The following FRMD5 variants were observed in gnomAD, a reference collection of about 807,000 sequenced individuals.
FRMD5 encodes the protein FERM domain containing 5, also known as FERM domain-containing protein 5.
FRMD5 carries 20 observed loss-of-function variants against 69.0 expected under a neutral mutation model. That is an observed-to-expected ratio of 0.29 (90% CI 0.20 to 0.42). FRMD5 has a LOEUF of 0.42. Ranked by LOEUF, FRMD5 falls within the 10% of genes least tolerant of loss-of-function variation. FRMD5 has a pLI of 1.00. For missense variants in FRMD5, 595 were observed against 708.6 expected (o/e 0.84, Z 1.82); for synonymous variants, 271 against 260.1 (o/e 1.04, Z -0.40).
intron 1 of FRMD5, among the ~76,000 whole-genome samples, chr15:43,992,743 T>A (rs538303201): frequency 6.6e-6 from 1 of 151,520 alleles, no homozygotes; most frequent in African/African-American, 2.4e-5. Flanking sequence ...AGATGGGGTA[T>A]TCCTCTGCCC....
intron 1 of FRMD5, among the ~76,000 whole-genome samples, chr15:44,030,843 TTAAG>T: frequency 6.6e-6 from 1 of 152,000 alleles, no homozygotes; most frequent in African/African-American, 2.4e-5. Context: ...TGAGAGAAAC[TTAAG>T]AGTGCAAAGT....
chr15:43,896,583 C>A (rs1181204573), intron 7 of FRMD5, among the ~76,000 whole-genome samples: 2 of 152,214 alleles, frequency 1.3e-5, no homozygotes, highest in African/African-American at 4.8e-5. Context: ...GGAAAGGATT[C>A]TTGCAAATCA....
At chr15:44,188,100 C>T (rs925663563) in intron 1 of FRMD5, among the ~76,000 whole-genome samples, 4 of 152,064 alleles carry the variant, frequency 2.6e-5, no homozygotes, top group Admixed American at 2.0e-4. Flanking sequence ...TTTTCCTTTC[C>T]CCTAGTGCGT....
At chr15:43,931,276 C>T (rs1010700271) in intron 1 of FRMD5, among the ~76,000 whole-genome samples, 1 of 152,276 alleles carries the variant, frequency 6.6e-6, no homozygotes, top group Middle Eastern at 3.4e-3. Flanking sequence ...GTGGACTAGT[C>T]ATGTCACAGC....
At chr15:44,091,202 C>A (rs2076467413) in intron 1 of FRMD5, among the ~76,000 whole-genome samples, 1 of 152,120 alleles carries the variant, frequency 6.6e-6, no homozygotes, top group Admixed American at 6.6e-5. Context: ...AATGTTAAAT[C>A]CACCTAAGTG....
At chr15:44,173,715 T>C (rs1164236778) in intron 1 of FRMD5, among the ~76,000 whole-genome samples, 3 of 152,082 alleles carry the variant, frequency 2.0e-5, no homozygotes, top group Non-Finnish European at 4.4e-5. Flanking sequence ...GGTTTCACCA[T>C]GTTGCCCAGG....
chr15:44,004,351 T>C (rs1026576915), intron 1 of FRMD5, among the ~76,000 whole-genome samples: 1 of 152,074 alleles, frequency 6.6e-6, no homozygotes, highest in African/African-American at 2.4e-5. Flanking sequence ...TCACAGATAC[T>C]ATGTTTTTGT....
intron 1 of FRMD5, among the ~76,000 whole-genome samples, chr15:43,927,047 G>A (rs1004295421): frequency 6.6e-6 from 1 of 151,802 alleles, no homozygotes; most frequent in Admixed American, 6.6e-5. Flanking sequence ...CTTGGTTAAA[G>A]AAACCCATAA....
At chr15:44,099,928 C>T (rs1294791646) in intron 1 of FRMD5, among the ~76,000 whole-genome samples, 1 of 152,046 alleles carries the variant, frequency 6.6e-6, no homozygotes, top group African/African-American at 2.4e-5. Context: ...AGCTTTCCTT[C>T]TTTCTGATTT....
At chr15:44,123,428 C>T (rs77441864) in intron 1 of FRMD5, among the ~76,000 whole-genome samples, 7 of 151,774 alleles carry the variant, frequency 4.6e-5, no homozygotes, top group Non-Finnish European at 8.8e-5. Flanking sequence ...GTACTATTTT[C>T]GTATATAAAC....
At chr15:43,930,376 C>A (rs1296028233) in intron 1 of FRMD5, among the ~76,000 whole-genome samples, 1 of 152,220 alleles carries the variant, frequency 6.6e-6, no homozygotes, top group Non-Finnish European at 1.5e-5. Flanking sequence ...AGGGCCATAG[C>A]TCACCCCTAC....
intron 1 of FRMD5, among the ~76,000 whole-genome samples, chr15:44,034,925 T>C (rs1410685285): frequency 6.6e-6 from 1 of 152,148 alleles, no homozygotes; most frequent in Admixed American, 6.5e-5. Flanking sequence ...GTATATCCAA[T>C]CCCTTCTTTT....
At chr15:44,100,654 C>T (rs924678396) in intron 1 of FRMD5, among the ~76,000 whole-genome samples, 8 of 152,118 alleles carry the variant, frequency 5.3e-5, no homozygotes, top group Admixed American at 5.2e-4. Flanking sequence ...AAAGTGACAA[C>T]CATCAATGAG....
At chr15:43,951,871 T>G (rs1232986957) in intron 1 of FRMD5, among the ~76,000 whole-genome samples, 1 of 152,126 alleles carries the variant, frequency 6.6e-6, no homozygotes, top group East Asian at 1.9e-4. Flanking sequence ...ACAAGACAAA[T>G]TCTCCCCTGA....
chr15:44,123,102 T>C (rs1052934722), intron 1 of FRMD5, among the ~76,000 whole-genome samples: 1 of 152,050 alleles, frequency 6.6e-6, no homozygotes, highest in Non-Finnish European at 1.5e-5. Flanking sequence ...CTCAGCACTT[T>C]GGGAGGCCAA....
rs754737452 is a variant in FRMD5, at chr15:43,905,969, G to A, written c.428-18C>T. On this transcript the variant is annotated intron_variant, in intron 5 of 13. Coordinates refer to ENST00000417257, the MANE Select transcript of FRMD5 (RefSeq NM_032892.5). ...AATCTCCGCTTTCAAAAGGAAGGTG[G>A]AAGAAAACAATTGTGGAGACAGGTA... 12 of 1,614,130 alleles carry A rather than the reference G, an allele frequency of 7.4e-6. No homozygotes were observed. In the South Asian group the frequency reaches 1.3e-4, roughly 18 times the overall value.
intron 1 of FRMD5, among the ~76,000 whole-genome samples, chr15:44,101,287 C>G (rs1337478087): frequency 2.0e-5 from 3 of 152,082 alleles, no homozygotes; most frequent in African/African-American, 4.8e-5. Context: ...GGGGCTTTCC[C>G]CCAGAAAGAA....
At chr15:44,170,007 C>T (rs1429445416) in intron 1 of FRMD5, among the ~76,000 whole-genome samples, 2 of 152,014 alleles carry the variant, frequency 1.3e-5, no homozygotes, top group Non-Finnish European at 2.9e-5. Context: ...ATATAAATTG[C>T]TCCTTCTTAT....
chr15:44,197,712 A>G (rs1464224843), upstream of FRMD5, among the ~76,000 whole-genome samples: 1 of 152,014 alleles, frequency 6.6e-6, no homozygotes, highest in African/African-American at 2.4e-5. Context: ...AGAAAGGAAA[A>G]AAAATTCAAA....
Sources: allele counts gnomAD v4.1 joint callset (sites outside exome capture counted in the v4.1 genomes callset), GRCh38; gene constraint gnomAD v4.1.1; transcripts MANE v1.5; gene names NCBI Gene and HGNC (gene_info 2026-07-23, HGNC 2026-07-21).